ARHGAP40: variants seen among roughly 807,000 people sequenced by gnomAD.
The protein encoded by ARHGAP40 is Rho GTPase activating protein 40.
ARHGAP40 carries 43 observed loss-of-function variants against 73.5 expected under a neutral mutation model. The observed-to-expected ratio is 0.58, with a 90% CI of 0.46 to 0.75. ARHGAP40 has a LOEUF of 0.75. ARHGAP40 is among the 30% of genes least tolerant of loss of function. The pLI is 0.00. For missense variants in ARHGAP40, 734 were observed against 861.8 expected (o/e 0.85, Z 1.86); for synonymous variants, 300 against 352.8 (o/e 0.85, Z 1.68).
intron 5 of ARHGAP40, among the ~76,000 whole-genome samples, chr20:38,633,892 A>C (rs2088957123): frequency 6.6e-6 from 1 of 152,182 alleles, no homozygotes; most frequent in South Asian, 2.1e-4. Context: ...CAGAGGAACA[A>C]AGGACCAGAG....
rs1159161256 is a variant in ARHGAP40 at position 38,646,012 on chromosome 20, T to C, written c.1570-35T>C. Reference sequence around the variant, plus strand: ...CTCTGCCTCTCGCCCCCAGAAGTCCTATCCCCCTGCCAAAACTTGATCCTT... The same window carrying C: ...CTCTGCCTCTCGCCCCCAGAAGTCCCATCCCCCTGCCAAAACTTGATCCTT... On this transcript the variant is annotated intron_variant, in intron 11 of 14. Coordinates refer to ENST00000373345, the Ensembl canonical transcript of ARHGAP40. The surrounding 1 kb of genome is among the most constrained non-coding windows in gnomAD (Gnocchi z 4.5). The C allele has an allele frequency of 1.6e-6, 2 of 1,280,162 alleles. No homozygotes were observed. The highest frequency in any genetic ancestry group is 1.1e-4 in the East Asian group (2 of 17,524). 79.3% of individuals were successfully genotyped at this position (1,280,162 alleles called of 1,614,324 possible). A position where few individuals can be genotyped will look rare whatever the true frequency, so the allele number is the denominator to read the frequency against.
At position 38,634,831 on chromosome 20, in the gene ARHGAP40, T is replaced by C. The variant is rs368125920; in HGVS notation, c.949+46T>C. 668 of 1,220,276 alleles carry C rather than the reference T, an allele frequency of 5.5e-4. 3 individuals are homozygous for C. In the African/African-American group the frequency reaches 8.7e-3, roughly 16 times the overall value. The allele number at this position is 1,220,276 out of a possible 1,614,324, so 75.6% of individuals were successfully genotyped here. On this transcript the variant is annotated intron_variant, in intron 6 of 14. Coordinates refer to ENST00000373345, the Ensembl canonical transcript of ARHGAP40. ...GAAAGCCCTGTGGCCACAGTCCTCA[T>C]AGGGAGCTGAACACGGACTCTCCCA...
At chr20:38,647,426 T>G (rs1399643741) in intron 13 of ARHGAP40, among the ~76,000 whole-genome samples, 3 of 152,200 alleles carry the variant, frequency 2.0e-5, no homozygotes, top group South Asian at 2.1e-4. Flanking sequence ...AGTCTAGCTC[T>G]GTCACCCAGG....
chr20:38,639,116 C>A, intron 8 of ARHGAP40, 111 bp from the exon 9 acceptor site: 1 of 1,124,020 alleles, frequency 8.9e-7, no homozygotes, highest in Non-Finnish European at 1.2e-6. Flanking sequence ...GAGGGAGGTG[C>A]TCTTGTTGTC....
At chr20:38,617,979 A>G (rs1201333749) in intron 1 of ARHGAP40, among the ~76,000 whole-genome samples, 1 of 152,208 alleles carries the variant, frequency 6.6e-6, no homozygotes. Flanking sequence ...TTAGCTTCAT[A>G]TTAAAATGAG....
chr20:38,636,258 TTA>T (rs1478366050), intron 6 of ARHGAP40, among the ~76,000 whole-genome samples: 4 of 151,286 alleles, frequency 2.6e-5, no homozygotes, highest in African/African-American at 9.8e-5. Context: ...TGATTTTTAT[TTA>T]TTTATTTTTT....
chr20:38,628,802 G>T lies in ARHGAP40; in HGVS notation c.559-125G>T, dbSNP rs372741030. Reference sequence around the variant, plus strand: ...TGTGGGACTTTGGGCAAGTAACTCAGCCTCTCTGGGCTTCAGTGGCTCCAT... The same window carrying T: ...TGTGGGACTTTGGGCAAGTAACTCATCCTCTCTGGGCTTCAGTGGCTCCAT... On this transcript the variant is annotated intron_variant, in intron 3 of 14. Transcript: ENST00000373345. 8.8e-5 allele frequency: 54 copies of T among 616,562 alleles called. No homozygotes were observed. The Middle Eastern group carries it at 1.4e-3, about 16-fold the overall frequency. The allele number at this position is 616,562 out of a possible 1,614,324, so 38.2% of individuals were successfully genotyped here.
intron 1 of ARHGAP40, among the ~76,000 whole-genome samples, chr20:38,621,759 A>C (rs1025053172): frequency 1.3e-5 from 2 of 152,210 alleles, no homozygotes; most frequent in African/African-American, 4.8e-5. Flanking sequence ...TATAGCTAAC[A>C]AAAATGTTTT....
chr20:38,604,051 C>T (rs2088756364), intron 1 of ARHGAP40, among the ~76,000 whole-genome samples: 1 of 152,202 alleles, frequency 6.6e-6, no homozygotes, highest in Non-Finnish European at 1.5e-5. Context: ...TTCACAAATA[C>T]TGAGGATTAG....
intron 1 of ARHGAP40, among the ~76,000 whole-genome samples, chr20:38,611,571 C>T (rs994009952): frequency 6.6e-6 from 1 of 151,956 alleles, no homozygotes; most frequent in Non-Finnish European, 1.5e-5. Context: ...TTATGCACAA[C>T]CACACTTGGC....
exon 2 of ARHGAP40, chr20:38,623,480 A>T: frequency 1.5e-6 from 2 of 1,290,812 alleles, no homozygotes; most frequent in Non-Finnish European, 2.0e-6. Context: ...TGGCTTTTGG[A>T]TGGAGGTGGA....
At chr20:38,635,845 A>G (rs1005871921) in intron 6 of ARHGAP40, among the ~76,000 whole-genome samples, 13 of 152,160 alleles carry the variant, frequency 8.5e-5, no homozygotes, top group African/African-American at 3.1e-4. Context: ...CCCCAAACTC[A>G]TGACTTAAGA....
chr20:38,637,627 T>C, intron 6 of ARHGAP40, 81 bp from the exon 7 acceptor site: 1 of 1,120,846 alleles, frequency 8.9e-7, no homozygotes, highest in Non-Finnish European at 1.2e-6. Context: ...CTGATTCTAG[T>C]TGCCCAGGAG....
chr20:38,603,138 T>C (rs922984552), intron 1 of ARHGAP40, among the ~76,000 whole-genome samples: 1 of 152,230 alleles, frequency 6.6e-6, no homozygotes, highest in Non-Finnish European at 1.5e-5. Context: ...CCCAAGGACC[T>C]GAAGACTAGA....
chr20:38,640,538 A>G (rs562030563), intron 9 of ARHGAP40, among the ~76,000 whole-genome samples: 29 of 152,128 alleles, frequency 1.9e-4, no homozygotes, highest in African/African-American at 6.7e-4. Context: ...TCATTGCAAA[A>G]CATAAATCAG....
chr20:38,645,705 T>C (rs564517019), intron 11 of ARHGAP40, among the ~76,000 whole-genome samples: 1 of 152,134 alleles, frequency 6.6e-6, no homozygotes, highest in Non-Finnish European at 1.5e-5. Context: ...CAGAGCCTGC[T>C]CCAGGTGTGT....
intron 1 of ARHGAP40, among the ~76,000 whole-genome samples, chr20:38,617,544 C>T (rs552058139): frequency 8.3e-4 from 126 of 152,162 alleles, no homozygotes; most frequent in African/African-American, 2.8e-3. Context: ...GGATGGGAGC[C>T]GAGGACTTCT....
At chr20:38,633,308 T>C (rs757251779) in intron 5 of ARHGAP40, among the ~76,000 whole-genome samples, 1 of 152,136 alleles carries the variant, frequency 6.6e-6, no homozygotes, top group Non-Finnish European at 1.5e-5. Flanking sequence ...GCTAAAGACA[T>C]CACATATTGA....
intron 1 of ARHGAP40, 123 bp downstream of exon 1, chr20:38,602,202 G>C (rs1398842746): frequency 8.8e-7 from 1 of 1,135,570 alleles, no homozygotes; most frequent in African/African-American, 1.7e-5. Context: ...TGAGGAAACA[G>C]AGGCTTGGAG....
Sources: allele counts gnomAD v4.1 joint callset (sites outside exome capture counted in the v4.1 genomes callset), GRCh38; gene constraint gnomAD v4.1.1; non-coding constraint Gnocchi (gnomAD v3.1); transcripts MANE v1.5; gene names NCBI Gene and HGNC (gene_info 2026-07-23, HGNC 2026-07-21).